TPR: variants seen among roughly 807,000 people sequenced by gnomAD.
TPR encodes translocated promoter region, nuclear basket protein.
TPR carries 51 observed loss-of-function variants against 316.1 expected under a neutral mutation model. The ratio of observed to expected loss-of-function variants is 0.16; its 90% CI spans 0.13 to 0.20. The LOEUF is 0.20. TPR is among the 10% of genes least tolerant of loss of function. The pLI, the probability that TPR is intolerant of heterozygous loss-of-function variation, is 1.00. For synonymous variants in TPR, 981 were observed against 914.7 expected (o/e 1.07, Z -1.31); for missense variants, 2,272 against 2,754.8 (o/e 0.82, Z 3.92).
chr1:186,328,665 G>C (rs902993824), intron 39 of TPR, among the ~76,000 whole-genome samples: 6 of 152,016 alleles, frequency 3.9e-5, no homozygotes, highest in Admixed American at 2.0e-4. Flanking sequence ...TTTTTACAAA[G>C]AAAAGCACTG....
rs76195333 is a variant in TPR at position 186,365,604 on chromosome 1, C to G, written c.428-2159G>C. On this transcript the variant is annotated intron_variant, in intron 4 of 50. Coordinates refer to ENST00000367478, the MANE Select transcript of TPR (RefSeq NM_003292.3). ...AAATGTCAACACTGTGGAAGAGAAC[C>G]CCAACAGAGAAAATATCATGAAAGT... Among the ~76,000 whole-genome samples, 1,056 of 152,168 alleles carry G rather than the reference C, an allele frequency of 6.9e-3. 20 individuals carry two copies. Among genetic ancestry groups the G allele is most frequent in the African/African-American group, 0.025 (1,019 of 41,522 alleles).
At chr1:186,322,487 A>G in intron 44 of TPR, 31 bp downstream of exon 44, 3 of 1,613,454 alleles carry the variant, frequency 1.9e-6, no homozygotes, top group Non-Finnish European at 2.5e-6. Flanking sequence ...TCAAGAAATG[A>G]ATTACTTTTA....
At chr1:186,317,389 A>G in intron 49 of TPR, 93 bp downstream of exon 49, 1 of 998,090 alleles carries the variant, frequency 1.0e-6, no homozygotes, top group Admixed American at 1.9e-5. Flanking sequence ...AATACAGGAA[A>G]AAAGGATTAT....
chr1:186,325,459 T>A (rs1007940615), intron 42 of TPR: 2 of 208,298 alleles, frequency 9.6e-6, no homozygotes, highest in Non-Finnish European at 1.9e-5. Context: ...GAACTGCTGT[T>A]ACAAGTAGTC....
At chr1:186,369,572 G>T (rs970791392) in intron 3 of TPR, among the ~76,000 whole-genome samples, 5 of 151,764 alleles carry the variant, frequency 3.3e-5, no homozygotes, top group African/African-American at 1.2e-4. Context: ...AATGCTACTA[G>T]ATTTTTTAAT....
Position 186,350,281 on chromosome 1 carries a change from C to A in TPR, c.2718G>T (p.Gln906His), listed in dbSNP as rs764691932. The change falls in exon 21 of 51, where the codon CAG (glutamine) becomes CAT (histidine). Residue 906 changes from glutamine (Q) to histidine (H), a missense_variant. By Grantham distance (24) the Gln-to-His change is conservative. This residue lies in a region of TPR where 757 missense variants were observed against 859.8 expected (regional missense o/e 0.88). Transcript: ENST00000367478. ...CTTGGACTTCCATATTACTGAGGTG[C>A]TGTTTCAATGTGGCAATTTCTTTTT... ...NAQKEIATLKQHLSNMEVQVA... is the reference protein window; with the variant it reads ...NAQKEIATLKHHLSNMEVQVA... The A allele has an allele frequency of 6.2e-7, 1 of 1,613,518 alleles. No homozygotes were observed. Among genetic ancestry groups the A allele is most frequent in the Non-Finnish European group, 8.5e-7 (1 of 1,179,842 alleles).
chr1:186,368,593 G>C (rs546196883), intron 3 of TPR, among the ~76,000 whole-genome samples: 28 of 152,320 alleles, frequency 1.8e-4, no homozygotes, highest in African/African-American at 6.5e-4. Flanking sequence ...CTGAGTGACA[G>C]AGTGAGACCC....
rs764907709 is a variant in TPR, at chr1:186,371,712, CA to C, written c.257-670del. Among the ~76,000 whole-genome samples the C allele has an allele frequency of 1.9e-4, 29 of 152,214 alleles. No homozygotes were observed. In the East Asian group the frequency reaches 2.9e-3, roughly 15 times the overall value. On this transcript the variant is annotated intron_variant, in intron 2 of 50. Coordinates refer to ENST00000367478, the MANE Select transcript of TPR (RefSeq NM_003292.3). ...ATGTTGGCAATTTAATAAGCAAATACATTTTAATTAATTCTAATCTTAACTT... is the reference window on the plus strand; with the variant it reads ...ATGTTGGCAATTTAATAAGCAAATACTTTTAATTAATTCTAATCTTAACTT...
Position 186,327,448 on chromosome 1 carries a change from A to G in TPR, c.5889+12T>C. 1 of 1,607,272 alleles carries G rather than the reference A, an allele frequency of 6.2e-7. No individual in the cohort carries two copies. The highest frequency in any genetic ancestry group is 8.5e-7 in the Non-Finnish European group (1 of 1,179,126). ...AGTTTAAAAACACTAGATGATTTCA[A>G]ATCAAACTTACCTCATGTTCTCCAT... On this transcript the variant is annotated intron_variant, in intron 40 of 50. Transcript: ENST00000367478.
intron 27 of TPR, 45 bp downstream of exon 27, chr1:186,343,281 C>A: frequency 6.3e-7 from 1 of 1,579,472 alleles, no homozygotes; most frequent in South Asian, 1.2e-5. Flanking sequence ...ATGAGTGCTT[C>A]TCTTTTGATT....
At chr1:186,355,029 G>A (rs976470513) in intron 17 of TPR, among the ~76,000 whole-genome samples, 2 of 152,050 alleles carry the variant, frequency 1.3e-5, no homozygotes, top group African/African-American at 4.8e-5. Context: ...TTAGCCTCCT[G>A]AGTAGCTGGG....
intron 3 of TPR, among the ~76,000 whole-genome samples, chr1:186,370,579 T>TA (rs1558042198): frequency 2.6e-5 from 4 of 151,708 alleles, no homozygotes; most frequent in Non-Finnish European, 5.9e-5. Flanking sequence ...TGTATCTGGT[T>TA]AAAAAATAAT....
At position 186,355,429 on chromosome 1, in the gene TPR, G is replaced by A; in HGVS notation, c.2152C>T (p.Leu718=). The change falls in exon 17 of 51, where the codon CTA becomes TTA. Residue 718 remains leucine, a synonymous_variant. Transcript: ENST00000367478. ...RSQNTKISTQ[L]DFASKRYEML... is the part of the protein sequence containing the mutation. ...ACTTACCGTTTAGAAGCAAAATCTA[G>A]CTGGGTAGAAATTTTGGTATTTTGT... The A allele has an allele frequency of 6.2e-7, 1 of 1,611,196 alleles. No individual in the cohort carries two copies. Among genetic ancestry groups the A allele is most frequent in the Non-Finnish European group, 8.5e-7 (1 of 1,179,458 alleles).
intron 25 of TPR, 117 bp from the exon 26 acceptor site, chr1:186,344,207 G>C: frequency 7.2e-7 from 1 of 1,393,922 alleles, no homozygotes; most frequent in Non-Finnish European, 9.6e-7. Flanking sequence ...GGCTGAGGCA[G>C]GAGAATTGCT....
intron 2 of TPR, 23 bp downstream of exon 2, chr1:186,373,336 A>G: frequency 3.8e-6 from 6 of 1,567,948 alleles, no homozygotes; most frequent in Non-Finnish European, 5.2e-6. Flanking sequence ...GAGAATACTT[A>G]CAAAGATGAA....
intron 49 of TPR, among the ~76,000 whole-genome samples, chr1:186,315,924 A>C (rs570842938): frequency 6.7e-6 from 1 of 148,714 alleles, no homozygotes; most frequent in African/African-American, 2.5e-5. Flanking sequence ...TTCTTCTTTC[A>C]GCTCTTAAAT....
In TPR at chr1:186,345,594, C is replaced by T; in HGVS notation, c.3199G>A (p.Asp1067Asn). Residue 1067 changes from aspartate to asparagine, a missense_variant, in exon 24 of 51, where the codon GAC becomes AAC. By Grantham distance (23) the Asp-to-Asn change is conservative. Coordinates refer to ENST00000367478, the MANE Select transcript of TPR (RefSeq NM_003292.3). ...ALSNEQQARR[D>N]CQEQAKIAVE... Reference sequence around the variant, plus strand: ...GCTATACTTACTTGTTCCTGACAGTCACGTCTGGCTTGCTGCTCATTACTT... The same window carrying T: ...GCTATACTTACTTGTTCCTGACAGTTACGTCTGGCTTGCTGCTCATTACTT... 1 of 1,613,112 alleles carries T rather than the reference C, an allele frequency of 6.2e-7. No individual in the cohort carries two copies. The highest frequency in any genetic ancestry group is 1.1e-5 in the South Asian group (1 of 90,986).
At chr1:186,327,281 T>TA (rs367713921) in intron 40 of TPR, among the ~76,000 whole-genome samples, 179 bp downstream of exon 40, 353 of 4,470 alleles carry the variant, frequency 0.079, 131 homozygotes, top group East Asian at 0.18. Context: ...TATTTATATA[T>TA]AATATATATA....
Position 186,312,548 on chromosome 1 carries a change from T to C in TPR, c.*1423A>G. ...AATAACCAAAGACCAATACTTTCTT[T>C]TTCCTTGTGGGTAAGTAAAGCAGTT... On this transcript the variant is annotated 3_prime_UTR_variant, in exon 51 of 51. Transcript: ENST00000367478. The C allele has an allele frequency of 2.5e-6, 2 of 814,262 alleles. No homozygotes were observed. The highest frequency in any genetic ancestry group is 3.7e-5 in the South Asian group (2 of 54,624). The allele number at this position is 814,262 out of a possible 1,614,324, so 50.4% of individuals were successfully genotyped here. A position where few individuals can be genotyped will look rare whatever the true frequency, so the allele number is the denominator to read the frequency against.
Sources: allele counts gnomAD v4.1 joint callset (sites outside exome capture counted in the v4.1 genomes callset), GRCh38; gene constraint gnomAD v4.1.1; regional missense constraint gnomAD v4.1.1; transcripts MANE v1.5; gene names NCBI Gene and HGNC (gene_info 2026-07-23, HGNC 2026-07-21).